Variants in POLE2 observed in about 807,000 individuals in gnomAD.
POLE2 encodes DNA polymerase epsilon subunit 2.
POLE2 carries 56 observed loss-of-function variants against 79.4 expected under a neutral mutation model. The ratio of observed to expected loss-of-function variants is 0.71; its 90% CI spans 0.57 to 0.88. The LOEUF is 0.88. Ranked by LOEUF, POLE2 falls within the 40% of genes least tolerant of loss-of-function variation. POLE2 has a pLI of 0.00. For synonymous variants in POLE2, 212 were observed against 214.0 expected (o/e 0.99, Z 0.08); for missense variants, 598 against 638.9 (o/e 0.94, Z 0.69).
chr14:49,676,255 C>T (rs71420152), intron 3 of POLE2, among the ~76,000 whole-genome samples: 37,985 of 152,084 alleles, frequency 0.25, 5,755 homozygotes, highest in African/African-American at 0.42. Flanking sequence ...CACAGCACTA[C>T]TGTATAAATA....
intron 10 of POLE2, among the ~76,000 whole-genome samples, chr14:49,663,043 A>C (rs1885199318): frequency 6.6e-6 from 1 of 152,214 alleles, no homozygotes; most frequent in Admixed American, 6.5e-5. Context: ...TCTCACTTCA[A>C]CTTCTCATCA....
At chr14:49,668,307 G>A (rs1341827353) in intron 6 of POLE2, among the ~76,000 whole-genome samples, 2 of 151,522 alleles carry the variant, frequency 1.3e-5, no homozygotes, top group African/African-American at 4.8e-5. Context: ...AAGGGGGAAG[G>A]GGGAAGGGAA....
intron 10 of POLE2, among the ~76,000 whole-genome samples, chr14:49,656,240 A>G (rs1884663197): frequency 6.6e-6 from 1 of 151,966 alleles, no homozygotes; most frequent in South Asian, 2.1e-4. Flanking sequence ...CTGTAGTCCC[A>G]GCTACTCTGG....
rs1279243098 is a variant in POLE2, at chr14:49,666,404, T to A, written c.502A>T (p.Ile168Leu). The A allele has an allele frequency of 6.9e-7, 1 of 1,441,144 alleles. No individual in the cohort carries two copies. The highest frequency in any genetic ancestry group is 9.4e-7 in the Non-Finnish European group (1 of 1,064,186). 89.3% of individuals were successfully genotyped at this position (1,441,144 alleles called of 1,614,324 possible). ...GTTGTACTACCCAATAAGGTTTCTA[T>A]TGTTTTAAGCTAAAATAAAACAAAA... is the stretch of plus-strand genomic sequence containing the variant. ...ESGSKFQLKT[I>L]ETLLGSTTKI... The change falls in exon 7 of 19, where the codon ATA becomes TTA. Residue 168 changes from isoleucine to leucine, a missense_variant. Coordinates refer to ENST00000216367, the MANE Select transcript of POLE2 (RefSeq NM_002692.4).
At chr14:49,670,361 A>G (rs1347906235) in intron 5 of POLE2, among the ~76,000 whole-genome samples, 1 of 151,046 alleles carries the variant, frequency 6.6e-6, no homozygotes, top group African/African-American at 2.4e-5. Flanking sequence ...TCAGGCAGAG[A>G]AATTATAAGA....
chr14:49,675,939 A>G (rs1886246606), intron 3 of POLE2, among the ~76,000 whole-genome samples: 1 of 151,922 alleles, frequency 6.6e-6, no homozygotes, highest in Non-Finnish European at 1.5e-5. Context: ...TTTTTAGTAG[A>G]GACGGGTTTT....
At position 49,683,709 on chromosome 14, in the gene POLE2, G is replaced by T. The variant is rs1886904488; in HGVS notation, c.69-16C>A. 7.8e-7 allele frequency: 1 copy of T among 1,282,904 alleles called. No individual in the cohort carries two copies. The allele number at this position is 1,282,904 out of a possible 1,614,324, so 79.5% of individuals were successfully genotyped here. A position where few individuals can be genotyped will look rare whatever the true frequency, so the allele number is the denominator to read the frequency against. On this transcript the variant is annotated splice_polypyrimidine_tract_variant and intron_variant, in intron 1 of 18. Coordinates refer to ENST00000216367, the MANE Select transcript of POLE2 (RefSeq NM_002692.4). Reference sequence around the variant, plus strand: ...AATAGCTTCACTAAGAAAAGGAAAGGAAAAATGAGGCAGGTCATTAGTAAT... The same window carrying T: ...AATAGCTTCACTAAGAAAAGGAAAGTAAAAATGAGGCAGGTCATTAGTAAT...
chr14:49,683,943 C>A (rs1334592968), intron 1 of POLE2, among the ~76,000 whole-genome samples: 1 of 152,198 alleles, frequency 6.6e-6, no homozygotes, highest in Non-Finnish European at 1.5e-5. Flanking sequence ...CTGCTGCAAT[C>A]TCCCCTTTCT....
intron 6 of POLE2, among the ~76,000 whole-genome samples, chr14:49,667,965 T>G (rs186097159): frequency 1.3e-5 from 2 of 152,174 alleles, no homozygotes; most frequent in East Asian, 3.9e-4. Context: ...AATACTGGAG[T>G]TACTCTTAAA....
chr14:49,656,756 G>A (rs1249308918), intron 10 of POLE2, among the ~76,000 whole-genome samples: 1 of 152,046 alleles, frequency 6.6e-6, no homozygotes, highest in African/African-American at 2.4e-5. Flanking sequence ...TCCCAAAAGA[G>A]GTTAGATTTT....
intron 6 of POLE2, 33 bp from the exon 7 acceptor site, chr14:49,666,446 T>C: frequency 1.1e-6 from 1 of 944,640 alleles, no homozygotes. Context: ...TTAAAGACTG[T>C]AAATATATTC....
Position 49,666,356 on chromosome 14 carries a change from G to T in POLE2, c.550C>A (p.Leu184Ile). 1.9e-6 allele frequency: 3 copies of T among 1,548,218 alleles called. No homozygotes were observed. Among genetic ancestry groups the T allele is most frequent in the East Asian group, 2.4e-5 (1 of 41,718 alleles). Residue 184 changes from leucine (L) to isoleucine (I), a missense_variant, in exon 7 of 19, where the codon CTT becomes ATT. Coordinates refer to ENST00000216367, the MANE Select transcript of POLE2 (RefSeq NM_002692.4). ...STTKIGDAIV[L>I]GMITQLKEGK... ...TCTTTTAACTGCGTTATCATTCCAA[G>T]AACAATCGCATCTCCGATTTTGGTT...
chr14:49,685,619 T>A (rs529934635), intron 1 of POLE2, among the ~76,000 whole-genome samples: 2 of 152,044 alleles, frequency 1.3e-5, no homozygotes, highest in East Asian at 3.8e-4. Flanking sequence ...CTTTCTTTTT[T>A]TTCTTTCTTT....
intron 15 of POLE2, among the ~76,000 whole-genome samples, chr14:49,651,779 A>G (rs1884256417): frequency 6.6e-6 from 1 of 152,222 alleles, no homozygotes; most frequent in African/African-American, 2.4e-5. Context: ...TAGGATGATC[A>G]GAACAGGCCG....
intron 7 of POLE2, 124 bp from the exon 8 acceptor site, chr14:49,665,287 T>G (rs1441234676): frequency 2.0e-5 from 12 of 605,208 alleles, no homozygotes; most frequent in Non-Finnish European, 3.3e-5. Flanking sequence ...AAATCAGCTA[T>G]TATTTCTAGT....
chr14:49,683,539 T>C lies in POLE2; in HGVS notation c.169+54A>G. The C allele has an allele frequency of 3.8e-6, 3 of 799,568 alleles. No individual in the cohort carries two copies. The Admixed American group carries it at 6.3e-5, about 17-fold the overall frequency. 49.5% of individuals were successfully genotyped at this position (799,568 alleles called of 1,614,324 possible). On this transcript the variant is annotated intron_variant, in intron 2 of 18. Coordinates refer to ENST00000216367, the MANE Select transcript of POLE2 (RefSeq NM_002692.4). ...TTCAATTTAAATCTATACATCTAAC[T>C]GAAGATGCAGAACTATATTAACAAT...
chr14:49,664,325 G>A (rs1885317538), intron 9 of POLE2, among the ~76,000 whole-genome samples: 1 of 150,260 alleles, frequency 6.7e-6, no homozygotes, highest in Non-Finnish European at 1.5e-5. Context: ...CTCCAGCCTA[G>A]GTGACAGAGT....
intron 5 of POLE2, among the ~76,000 whole-genome samples, chr14:49,670,640 C>G (rs1051013199): frequency 6.6e-6 from 1 of 152,190 alleles, no homozygotes; most frequent in East Asian, 1.9e-4. Context: ...TCAAAAGAGA[C>G]AGATTCAAGA....
chr14:49,682,938 A>G (rs1395032628), intron 2 of POLE2, among the ~76,000 whole-genome samples: 2 of 151,248 alleles, frequency 1.3e-5, no homozygotes, highest in African/African-American at 4.9e-5. Context: ...AAGACATGGT[A>G]ATAGCCACTA....
Sources: allele counts gnomAD v4.1 joint callset (sites outside exome capture counted in the v4.1 genomes callset), GRCh38; gene constraint gnomAD v4.1.1; transcripts MANE v1.5; gene names NCBI Gene and HGNC (gene_info 2026-07-23, HGNC 2026-07-21).